The following RHD variants were observed in gnomAD, a reference collection of about 807,000 sequenced individuals.
The protein encoded by RHD is Rh blood group D antigen.
A neutral mutation model predicts 45.5 loss-of-function variants in RHD; 16 were observed. That is an observed-to-expected ratio of 0.35 (90% confidence interval 0.24 to 0.53). RHD has a LOEUF of 0.53. Among genes scored for constraint, RHD ranks in the 20% least tolerant of loss-of-function variants. The pLI is 0.92. For synonymous variants in RHD, 131 were observed against 217.5 expected (o/e 0.60, Z 3.50); for missense variants, 306 against 532.0 (o/e 0.58, Z 4.18).
intron 5 of RHD, among the ~76,000 whole-genome samples, chr1:25,302,546 G>A (rs535234667): frequency 7.7e-6 from 1 of 129,992 alleles, no homozygotes; most frequent in Non-Finnish European, 1.8e-5. Context: ...GGGAAGCCCA[G>A]AGGCTAATCC....
chr1:25,288,207 A>C (rs1211100013), intron 2 of RHD, among the ~76,000 whole-genome samples: 1 of 131,108 alleles, frequency 7.6e-6, no homozygotes, highest in East Asian at 2.0e-4. Context: ...CTGCAGAGAC[A>C]GGACCTCACT....
chr1:25,319,695 A>T (rs868227994), intron 8 of RHD, among the ~76,000 whole-genome samples: 1 of 132,272 alleles, frequency 7.6e-6, no homozygotes, highest in African/African-American at 2.6e-5. Flanking sequence ...CTCCCAGAAG[A>T]CAAGCATTTA....
At chr1:25,316,465 C>T (rs1644442539) in intron 7 of RHD, among the ~76,000 whole-genome samples, 1 of 123,982 alleles carries the variant, frequency 8.1e-6, no homozygotes, top group African/African-American at 2.8e-5. Context: ...ATTAATAATA[C>T]AAAAATTATC....
intron 1 of RHD, among the ~76,000 whole-genome samples, chr1:25,276,527 ATCTCT>A: frequency 2.8e-5 from 1 of 35,212 alleles, no homozygotes; most frequent in African/African-American, 4.9e-5. Context: ...ACCCCCCCCC[ATCTCT>A]AAAAAAAAAA....
In RHD at chr1:25,292,369, G is replaced by A. The variant is rs532238684; in HGVS notation, c.486+1578G>A. On this transcript the variant is annotated intron_variant, in intron 3 of 9. Transcript: ENST00000328664. ...AGAGGAAGCAGGTGGAGACCAGAGCGGCAGTGATTGCCATCATCCAGACTC... is the reference window on the plus strand; with the variant it reads ...AGAGGAAGCAGGTGGAGACCAGAGCAGCAGTGATTGCCATCATCCAGACTC... Among the ~76,000 whole-genome samples the A allele has an allele frequency of 2.3e-4, 31 of 132,604 alleles. 4 individuals are homozygous for A. The South Asian group carries it at 4.2e-3, about 18-fold the overall frequency. The allele number at this position is 132,604 out of a possible 152,430, so 87.0% of individuals were successfully genotyped here.
At chr1:25,310,707 C>T (rs1254649459) in intron 7 of RHD, among the ~76,000 whole-genome samples, 1 of 132,716 alleles carries the variant, frequency 7.5e-6, no homozygotes, top group South Asian at 2.3e-4. Context: ...CACGGTGTCT[C>T]AGGCTTATAA....
rs573734809 is a variant in RHD at position 25,296,211 on chromosome 1, A to T, written c.487-4735A>T. 4.3e-4 allele frequency among the ~76,000 whole-genome samples: 51 copies of T among 118,856 alleles called. 5 individuals are homozygous for T. The highest frequency in any genetic ancestry group is 1.4e-3 in the African/African-American group (49 of 35,140). 78.0% of individuals were successfully genotyped at this position (118,856 alleles called of 152,430 possible). A position where few individuals can be genotyped will look rare whatever the true frequency, so the allele number is the denominator to read the frequency against. ...TTGGTTGTCTTCATCTGTGTATGTG[A>T]CTTTAACCCCTAAATACTTCAGTGT... On this transcript the variant is annotated intron_variant, in intron 3 of 9. Coordinates refer to ENST00000328664, the MANE Select transcript of RHD (RefSeq NM_016124.6).
rs1019603327 is a variant in RHD at position 25,315,285 on chromosome 1, G to T, written c.1074-1715G>T. On this transcript the variant is annotated intron_variant, in intron 7 of 9. Transcript: ENST00000328664. ...GTCATTCAACAAATATTTCCCTGAG[G>T]TTTTGATAACCTGAACTGTGTTTGG... is the stretch of plus-strand genomic sequence containing the variant. Among the ~76,000 whole-genome samples the T allele has an allele frequency of 2.6e-4, 33 of 129,162 alleles. 12 individuals carry two copies. The highest frequency in any genetic ancestry group is 4.7e-4 in the Non-Finnish European group (26 of 55,066). The allele number at this position is 129,162 out of a possible 152,430, so 84.7% of individuals were successfully genotyped here. A position where few individuals can be genotyped will look rare whatever the true frequency, so the allele number is the denominator to read the frequency against.
rs548217547 is a variant in RHD at position 25,314,291 on chromosome 1, G to T, written c.1074-2709G>T. On this transcript the variant is annotated intron_variant, in intron 7 of 9. Coordinates refer to ENST00000328664, the MANE Select transcript of RHD (RefSeq NM_016124.6). ...TAGTCATTTAGCAATCAAACCTATT[G>T]TTTACATTTTGATATCTCCAATAAC... 1.2e-4 allele frequency among the ~76,000 whole-genome samples: 16 copies of T among 132,406 alleles called. 1 individual carries two copies. The East Asian group carries it at 2.1e-3, about 18-fold the overall frequency. 86.9% of individuals were successfully genotyped at this position (132,406 alleles called of 152,430 possible).
At position 25,289,799 on chromosome 1, in the gene RHD, G is replaced by A. The variant is rs1480654237; in HGVS notation, c.336-842G>A. On this transcript the variant is annotated intron_variant, in intron 2 of 9. Coordinates refer to ENST00000328664, the MANE Select transcript of RHD (RefSeq NM_016124.6). ...TATTCTTAGTTGACAGGCTCATGGT[G>A]TAGCCTGTCTAGATCATAAGTACAT... Among the ~76,000 whole-genome samples the A allele has an allele frequency of 2.4e-5, 3 of 126,060 alleles. 1 individual carries two copies. Among genetic ancestry groups the A allele is most frequent in the East Asian group, 2.0e-4 (1 of 5,070 alleles). 82.7% of individuals were successfully genotyped at this position (126,060 alleles called of 152,430 possible). A position where few individuals can be genotyped will look rare whatever the true frequency, so the allele number is the denominator to read the frequency against.
In RHD at chr1:25,305,419, C is replaced by T. The variant is rs1209672677; in HGVS notation, c.940-1177C>T. Among the ~76,000 whole-genome samples the T allele has an allele frequency of 9.5e-5, 12 of 126,160 alleles. No homozygotes were observed. In the East Asian group the frequency reaches 2.4e-3, roughly 25 times the overall value. The allele number at this position is 126,160 out of a possible 152,430, so 82.8% of individuals were successfully genotyped here. A position where few individuals can be genotyped will look rare whatever the true frequency, so the allele number is the denominator to read the frequency against. ...TTATTTATTTATTTATTTATTGAGA[C>T]AGAGTCTCATTCTGTCACCCAGGCT... On this transcript the variant is annotated intron_variant, in intron 6 of 9. Transcript: ENST00000328664.
intron 1 of RHD, among the ~76,000 whole-genome samples, chr1:25,273,757 T>TAA: frequency 7.7e-6 from 1 of 130,644 alleles, no homozygotes; most frequent in African/African-American, 2.6e-5. Context: ...AGGTTGTTGA[T>TAA]AATAGACAGG....
In RHD at chr1:25,284,439, A is replaced by G. The variant is rs1321252711; in HGVS notation, c.149-134A>G. On this transcript the variant is annotated intron_variant, in intron 1 of 9. Coordinates refer to ENST00000328664, the MANE Select transcript of RHD (RefSeq NM_016124.6). Reference sequence around the variant, plus strand: ...AGAACATTGAGGCTCAAAGAGGCAAAGTAACTTGACCAAATACTTGTAAAC... The same window carrying G: ...AGAACATTGAGGCTCAAAGAGGCAAGGTAACTTGACCAAATACTTGTAAAC... The G allele has an allele frequency of 3.3e-6, 3 of 900,008 alleles. 1 individual carries two copies. Among genetic ancestry groups the G allele is most frequent in the Non-Finnish European group, 5.3e-6 (3 of 567,770 alleles). The allele number at this position is 900,008 out of a possible 1,614,324, so 55.8% of individuals were successfully genotyped here. A position where few individuals can be genotyped will look rare whatever the true frequency, so the allele number is the denominator to read the frequency against.
chr1:25,303,078 C>T (rs527240389), intron 5 of RHD, among the ~76,000 whole-genome samples: 3 of 131,884 alleles, frequency 2.3e-5, no homozygotes, highest in Non-Finnish European at 5.4e-5. Context: ...CTTCCCAGCT[C>T]ATTCCCTAAA....
chr1:25,276,959 T>G (rs1641061148), intron 1 of RHD, among the ~76,000 whole-genome samples: 1 of 130,284 alleles, frequency 7.7e-6, no homozygotes, highest in South Asian at 2.3e-4. Flanking sequence ...CCCAGCTACT[T>G]GGGAGGCTGA....
In RHD at chr1:25,320,935, T is replaced by C. The variant is rs780822717; in HGVS notation, c.1154-954T>C. ...AGCACACACCTGTGGTCCCAGCTAC[T>C]TGGGAGGCTGAGGTGGGAGGGTTGC... On this transcript the variant is annotated intron_variant, in intron 8 of 9. Transcript: ENST00000328664. Among the ~76,000 whole-genome samples, 2 of 131,540 alleles carry C rather than the reference T, an allele frequency of 1.5e-5. 1 individual carries two copies. Among genetic ancestry groups the C allele is most frequent in the Non-Finnish European group, 3.6e-5 (2 of 55,500 alleles). 86.3% of individuals were successfully genotyped at this position (131,540 alleles called of 152,430 possible). A position where few individuals can be genotyped will look rare whatever the true frequency, so the allele number is the denominator to read the frequency against.
chr1:25,314,325 T>C lies in RHD; in HGVS notation c.1074-2675T>C, dbSNP rs553656136. Among the ~76,000 whole-genome samples the C allele has an allele frequency of 4.3e-4, 57 of 133,172 alleles. 15 individuals carry two copies. The highest frequency in any genetic ancestry group is 9.3e-4 in the Non-Finnish European group (52 of 56,202). 87.4% of individuals were successfully genotyped at this position (133,172 alleles called of 152,430 possible). ...TTGATATCTCCAATAACTAACTAAA[T>C]GGAGCACTTTTAATATGCTTTTTGG... On this transcript the variant is annotated intron_variant, in intron 7 of 9. Coordinates refer to ENST00000328664, the MANE Select transcript of RHD (RefSeq NM_016124.6).
At chr1:25,293,691 G>A (rs1204359415) in intron 3 of RHD, among the ~76,000 whole-genome samples, 1 of 131,398 alleles carries the variant, frequency 7.6e-6, no homozygotes, top group East Asian at 2.0e-4. Flanking sequence ...CCATCAGTAG[G>A]TGGTATCTAC....
Position 25,283,710 on chromosome 1 carries a change from G to A in RHD, c.149-863G>A, listed in dbSNP as rs1302958368. Reference sequence around the variant, plus strand: ...AAAACAGCGTAGGCACATGGTAAACGCTTAGGAAATGTAGGCTGTTATAAA... The same window carrying A: ...AAAACAGCGTAGGCACATGGTAAACACTTAGGAAATGTAGGCTGTTATAAA... On this transcript the variant is annotated intron_variant, in intron 1 of 9. Transcript: ENST00000328664. Among the ~76,000 whole-genome samples the A allele has an allele frequency of 1.1e-4, 15 of 133,942 alleles. 3 individuals are homozygous for A. Among genetic ancestry groups the A allele is most frequent in the African/African-American group, 2.1e-4 (8 of 38,144 alleles). The allele number at this position is 133,942 out of a possible 152,430, so 87.9% of individuals were successfully genotyped here.
Sources: gnomAD v4.1 joint callset for allele counts (sites outside exome capture counted in the v4.1 genomes callset) on GRCh38, gnomAD v4.1.1 for gene constraint, MANE v1.5 for transcripts, NCBI Gene and HGNC (gene_info 2026-07-23, HGNC 2026-07-21) for gene names.